The following BRINP3 variants were observed in gnomAD, a reference collection of about 807,000 sequenced individuals.
BRINP3 encodes the protein BMP/retinoic acid inducible neural specific 3.
In BRINP3, 19 loss-of-function variants were observed where a neutral mutation model predicts 71.0. The observed-to-expected ratio is 0.27, with a 90% CI of 0.19 to 0.39. The LOEUF (loss-of-function observed/expected upper bound fraction) is 0.39, where lower values mean the gene tolerates loss of function less well. Among genes scored for constraint, BRINP3 ranks in the 10% least tolerant of loss-of-function variants. BRINP3 has a pLI of 1.00. For synonymous variants in BRINP3, 380 were observed against 337.7 expected, an observed-to-expected ratio of 1.13 and a Z score of -1.37; for missense variants, 959 against 940.8, an observed-to-expected ratio of 1.02 and a Z score of -0.25.
chr1:190,204,977 T>C (rs1655366261), intron 6 of BRINP3, among the ~76,000 whole-genome samples: 1 of 125,536 alleles, frequency 8.0e-6, no homozygotes, highest in African/African-American at 3.4e-5. Context: ...ATTCAACATA[T>C]CATTTCCTTT....
intron 6 of BRINP3, among the ~76,000 whole-genome samples, chr1:190,207,820 A>T (rs751764433): frequency 6.6e-6 from 1 of 152,172 alleles, no homozygotes; most frequent in African/African-American, 2.4e-5. Context: ...AATTAGTATT[A>T]CAGCCTAGAT....
At chr1:190,166,986 A>G (rs1476601062) in intron 6 of BRINP3, among the ~76,000 whole-genome samples, 3 of 151,846 alleles carry the variant, frequency 2.0e-5, no homozygotes, top group Non-Finnish European at 4.4e-5. Context: ...CAGCCTCCCA[A>G]AGTGTTGGGA....
chr1:190,234,277 G>T, intron 5 of BRINP3, 95 bp downstream of exon 5: 2 of 753,156 alleles, frequency 2.7e-6, no homozygotes, highest in South Asian at 2.2e-5. Flanking sequence ...TAGCCTGTAT[G>T]TATATGCAGT....
rs1558260059 is a variant in BRINP3, at chr1:190,408,400, TA to T, written c.236+46254del. On this transcript the variant is annotated intron_variant, in intron 2 of 7. Transcript: ENST00000367462. ...TGTTTCAATCACATTGGATTTAAAT[TA>T]TTTTTTTTCAAAACGATTTTCCATG... is the stretch of plus-strand genomic sequence containing the variant. Among the ~76,000 whole-genome samples the T allele has an allele frequency of 5.3e-5, 8 of 152,226 alleles. No homozygotes were observed. The South Asian group carries it at 1.0e-3, about 20-fold the overall frequency.
chr1:190,292,080 G>A (rs1287318201), intron 2 of BRINP3, among the ~76,000 whole-genome samples: 3 of 152,118 alleles, frequency 2.0e-5, no homozygotes, highest in Non-Finnish European at 2.9e-5. Flanking sequence ...TTTCTCATAT[G>A]TGAAATCTGA....
chr1:190,407,416 C>CA (rs1318159276), intron 2 of BRINP3, among the ~76,000 whole-genome samples: 7 of 152,126 alleles, frequency 4.6e-5, no homozygotes, highest in African/African-American at 1.7e-4. Context: ...AATAGATCAT[C>CA]AACTCCACCT....
chr1:190,316,242 C>T (rs1180810740), intron 2 of BRINP3, among the ~76,000 whole-genome samples: 2 of 152,084 alleles, frequency 1.3e-5, no homozygotes, highest in Non-Finnish European at 2.9e-5. Flanking sequence ...GCTAATGTAA[C>T]CCTAACTCAG....
At chr1:190,193,022 T>A (rs1453105680) in intron 6 of BRINP3, among the ~76,000 whole-genome samples, 1 of 152,144 alleles carries the variant, frequency 6.6e-6, no homozygotes, top group Non-Finnish European at 1.5e-5. Context: ...TTGTGCAATA[T>A]TTGTACAGAA....
chr1:190,218,737 C>A (rs191448164), intron 6 of BRINP3, among the ~76,000 whole-genome samples: 59 of 151,602 alleles, frequency 3.9e-4, no homozygotes, highest in African/African-American at 1.3e-3. Context: ...TACCTCCCCC[C>A]ACCCTCCTTG....
intron 2 of BRINP3, among the ~76,000 whole-genome samples, chr1:190,290,889 GTGTT>G (rs1207152223): frequency 1.5e-4 from 22 of 151,702 alleles, no homozygotes; most frequent in Non-Finnish European, 2.5e-4. Context: ...ATATCTGTGA[GTGTT>G]TGTGTGTGTG....
intron 4 of BRINP3, among the ~76,000 whole-genome samples, chr1:190,235,537 G>A (rs1658432797): frequency 6.6e-6 from 1 of 151,962 alleles, no homozygotes; most frequent in African/African-American, 2.4e-5. Flanking sequence ...GCCTGTTATA[G>A]GACAAGGAAG....
At chr1:190,376,150 G>A (rs1670169079) in intron 2 of BRINP3, among the ~76,000 whole-genome samples, 2 of 151,756 alleles carry the variant, frequency 1.3e-5, no homozygotes, top group African/African-American at 4.8e-5. Flanking sequence ...CATAATTTAT[G>A]AACATAGCTT....
intron 2 of BRINP3, among the ~76,000 whole-genome samples, chr1:190,403,337 C>T (rs12032164): frequency 0.15 from 23,468 of 152,144 alleles, 2,014 homozygotes; most frequent in Middle Eastern, 0.21. Context: ...TACATTAACC[C>T]ATTCCATTCT....
At chr1:190,208,572 A>G (rs1431395638) in intron 6 of BRINP3, among the ~76,000 whole-genome samples, 1 of 152,030 alleles carries the variant, frequency 6.6e-6, no homozygotes, top group East Asian at 1.9e-4. Context: ...AGCTCACTGC[A>G]ACAACCTCTG....
At chr1:190,414,257 G>T (rs1009703534) in intron 2 of BRINP3, among the ~76,000 whole-genome samples, 11 of 152,162 alleles carry the variant, frequency 7.2e-5, no homozygotes, top group Non-Finnish European at 1.2e-4. Context: ...ATTGAGCCCA[G>T]TGAAGTGCCA....
At chr1:190,199,239 G>A (rs1333550244) in intron 6 of BRINP3, among the ~76,000 whole-genome samples, 2 of 152,128 alleles carry the variant, frequency 1.3e-5, no homozygotes, top group Non-Finnish European at 1.5e-5. Context: ...GATTATAGGA[G>A]CTAAAATTTA....
chr1:190,256,764 A>G (rs1283079415), intron 4 of BRINP3, among the ~76,000 whole-genome samples: 1 of 152,166 alleles, frequency 6.6e-6, no homozygotes, highest in Non-Finnish European at 1.5e-5. Context: ...TGAGCTGGAT[A>G]TGAAATTTTG....
At chr1:190,180,887 A>T (rs139399814) in intron 6 of BRINP3, among the ~76,000 whole-genome samples, 16 of 152,226 alleles carry the variant, frequency 1.1e-4, no homozygotes, top group Non-Finnish European at 1.9e-4. Flanking sequence ...TGTACCTTTC[A>T]TCCAGGTTCT....
At chr1:190,232,900 C>T (rs1658129274) in intron 5 of BRINP3, among the ~76,000 whole-genome samples, 1 of 151,912 alleles carries the variant, frequency 6.6e-6, no homozygotes, top group African/African-American at 2.4e-5. Context: ...TAGAGAATTG[C>T]AAGAAACATT....
Sources: allele counts gnomAD v4.1 joint callset (sites outside exome capture counted in the v4.1 genomes callset), GRCh38; gene constraint gnomAD v4.1.1; transcripts MANE v1.5; gene names NCBI Gene and HGNC (gene_info 2026-07-23, HGNC 2026-07-21).